PCF11: variants seen among roughly 807,000 people sequenced by gnomAD.
PCF11 encodes the protein pre-mRNA cleavage complex 2 protein Pcf11.
A neutral mutation model predicts 166.1 loss-of-function variants in PCF11; 19 were observed. The ratio of observed to expected loss-of-function variants is 0.11; its 90% confidence interval spans 0.08 to 0.17. The LOEUF (loss-of-function observed/expected upper bound fraction) is 0.17. Ranked by LOEUF, PCF11 falls within the 10% of genes least tolerant of loss-of-function variation. The pLI, the probability that PCF11 is intolerant of heterozygous loss-of-function variation, is 1.00. For missense variants in PCF11, 1,565 were observed against 1,855.5 expected, an observed-to-expected ratio of 0.84 and a Z score of 2.88; for synonymous variants, 663 against 644.1, an observed-to-expected ratio of 1.03 and a Z score of -0.44.
chr11:83,157,875 C>T (rs1860056785), intron 1 of PCF11: 1 of 548,804 alleles, frequency 1.8e-6, no homozygotes. Context: ...TTTAGGCCAC[C>T]GCATTGTATA....
exon 16 of PCF11, chr11:83,184,907 AG>A: frequency 1.3e-6 from 2 of 1,507,222 alleles, no homozygotes; most frequent in Non-Finnish European, 8.9e-7. Context: ...AAAATGAGAA[AG>A]GTATGTTTTT....
intron 15 of PCF11, 60 bp from the exon 16 acceptor site, chr11:83,184,619 G>T (rs1861210227): frequency 3.5e-6 from 4 of 1,137,590 alleles, no homozygotes; most frequent in Non-Finnish European, 3.9e-6. Context: ...AAGACTAAAT[G>T]TTATTTAATG....
exon 9 of PCF11, chr11:83,171,872 C>A (rs1223940576): frequency 1.2e-6 from 2 of 1,601,634 alleles, no homozygotes; most frequent in Admixed American, 1.7e-5. Context: ...ACAGTTTTTA[C>A]CAGTTCATCC....
intron 2 of PCF11, 94 bp from the exon 3 acceptor site, chr11:83,163,585 T>C: frequency 2.3e-6 from 1 of 437,074 alleles, no homozygotes; most frequent in Non-Finnish European, 4.0e-6. Context: ...TACAGTTCTG[T>C]ATGTGAAGTA....
rs371723380 is a variant in PCF11 at position 83,168,585 on chromosome 11, G to A, written c.2250G>A (p.Pro750=). Residue 750 remains proline (P), a synonymous_variant, in exon 8 of 16, where the codon CCG becomes CCA. Transcript: ENST00000298281. ...TTACAGCTTTAGCTGAAGACAGACCGTTATTTGATGGACCTAGTAGGCCAT... is the reference window on the plus strand; with the variant it reads ...TTACAGCTTTAGCTGAAGACAGACCATTATTTGATGGACCTAGTAGGCCAT... The A allele has an allele frequency of 2.2e-5, 35 of 1,613,950 alleles. No homozygotes were observed. In the Admixed American group the frequency reaches 5.3e-4, roughly 25 times the overall value.
exon 8 of PCF11, chr11:83,169,144 C>T (rs1478094721): frequency 5.6e-6 from 9 of 1,613,226 alleles, no homozygotes; most frequent in Admixed American, 5.0e-5. Context: ...TCATGGTCAG[C>T]CAGGAGGTGG....
intron 5 of PCF11, 30 bp downstream of exon 5, chr11:83,166,744 A>T: frequency 6.5e-7 from 1 of 1,529,884 alleles, no homozygotes; most frequent in Non-Finnish European, 8.8e-7. Flanking sequence ...AGTCAAGTGT[A>T]GTAGTGTATA....
chr11:83,183,296 T>A (rs1861146586), intron 15 of PCF11, among the ~76,000 whole-genome samples: 1 of 152,206 alleles, frequency 6.6e-6, no homozygotes, highest in Admixed American at 6.5e-5. Context: ...ACAATTAAAA[T>A]TTTGAAATTT....
chr11:83,168,666 C>T (rs761831604), exon 8 of PCF11: 1 of 1,613,904 alleles, frequency 6.2e-7, no homozygotes, highest in South Asian at 1.1e-5. Context: ...ATAAATTAAG[C>T]CCTCGAATTG....
At chr11:83,165,968 T>G in exon 5 of PCF11, 1 of 1,601,682 alleles carries the variant, frequency 6.2e-7, no homozygotes, top group Non-Finnish European at 8.5e-7. Flanking sequence ...AGAAAGAACT[T>G]GACCAATTAG....
At chr11:83,171,644 G>A (rs1455577039) in intron 8 of PCF11, among the ~76,000 whole-genome samples, 174 bp from the exon 9 acceptor site, 1 of 152,118 alleles carries the variant, frequency 6.6e-6, no homozygotes. Context: ...AGGTTTTATT[G>A]TTCCTGTTTG....
At chr11:83,168,246 AT>A (rs1242754428) in intron 7 of PCF11, among the ~76,000 whole-genome samples, 181 bp from the exon 8 acceptor site, 2 of 152,182 alleles carry the variant, frequency 1.3e-5, no homozygotes, top group Admixed American at 6.5e-5. Context: ...TAGGATGGTA[AT>A]TTTTTTGTTA....
intron 2 of PCF11, among the ~76,000 whole-genome samples, chr11:83,161,670 G>A (rs1022585673): frequency 8.5e-5 from 13 of 152,176 alleles, no homozygotes; most frequent in African/African-American, 3.1e-4. Flanking sequence ...TTTAAGAATA[G>A]ATGGATTTGC....
intron 2 of PCF11, among the ~76,000 whole-genome samples, chr11:83,163,373 CA>C (rs1439278766): frequency 6.6e-6 from 1 of 151,890 alleles, no homozygotes; most frequent in African/African-American, 2.4e-5. Flanking sequence ...AGTTGTCTTA[CA>C]TTTTTTTTTC....
intron 13 of PCF11, among the ~76,000 whole-genome samples, 186 bp downstream of exon 13, chr11:83,182,195 G>A (rs893709226): frequency 1.3e-5 from 2 of 152,176 alleles, no homozygotes; most frequent in Non-Finnish European, 2.9e-5. Context: ...GTGGCCAAAA[G>A]CAGTGAAATG....
chr11:83,167,666 A>G lies in PCF11; in HGVS notation c.2092+161A>G, dbSNP rs1481208666. The stretch of plus-strand genomic sequence containing the variant: ...ATTCATTTCCAAGACTTGATCTCTT[A>G]GATCCTGATATTTTTGACTACCCTT... On this transcript the variant is annotated intron_variant, in intron 7 of 15. Coordinates refer to ENST00000298281, the Ensembl canonical transcript of PCF11. The surrounding 1 kb of genome is among the most constrained non-coding windows in gnomAD (Gnocchi z 4.2). 2.0e-6 allele frequency: 3 copies of G among 1,526,106 alleles called. No homozygotes were observed. Among genetic ancestry groups the G allele is most frequent in the South Asian group, 1.2e-5 (1 of 83,128 alleles). The allele number at this position is 1,526,106 out of a possible 1,614,324, so 94.5% of individuals were successfully genotyped here. A position where few individuals can be genotyped will look rare whatever the true frequency, so the allele number is the denominator to read the frequency against.
At chr11:83,168,708 T>C (rs1860564030) in exon 8 of PCF11, 1 of 1,613,818 alleles carries the variant, frequency 6.2e-7, no homozygotes, top group African/African-American at 1.3e-5. Context: ...CTCTTCGGTT[T>C]GATGGGTCAC....
intron 9 of PCF11, among the ~76,000 whole-genome samples, chr11:83,176,108 A>G (rs747470511): frequency 8.5e-5 from 13 of 152,216 alleles, no homozygotes; most frequent in Non-Finnish European, 1.6e-4. Context: ...TATTTCATCT[A>G]TATAAAACTA....
At chr11:83,160,321 G>GTTTTTTTTTTTTTTTTTTTTTTTTC (rs35201107) in intron 1 of PCF11, among the ~76,000 whole-genome samples, 1 of 91,268 alleles carries the variant, frequency 1.1e-5, no homozygotes, top group African/African-American at 4.3e-5. Context: ...GATAACCTAA[G>GTTTTTTTTTTTTTTTTTTTTTTTTC]TTTTTTTTTT....
Sources: gnomAD v4.1 joint callset for allele counts (sites outside exome capture counted in the v4.1 genomes callset) on GRCh38, gnomAD v4.1.1 for gene constraint, Gnocchi (gnomAD v3.1) non-coding constraint, MANE v1.5 for transcripts, NCBI Gene and HGNC (gene_info 2026-07-23, HGNC 2026-07-21) for gene names.